Variants in ARHGAP26 observed in about 807,000 individuals in gnomAD.
ARHGAP26 encodes rho GTPase-activating protein 26.
ARHGAP26 carries 38 observed loss-of-function variants against 104.8 expected under a neutral mutation model. The ratio of observed to expected loss-of-function variants is 0.36; its 90% CI spans 0.28 to 0.48. ARHGAP26 has a LOEUF of 0.48. ARHGAP26 is among the 20% of genes least tolerant of loss of function. The pLI, the probability that ARHGAP26 is intolerant of heterozygous loss-of-function variation, is 0.99. For synonymous variants in ARHGAP26, 341 were observed against 340.0 expected, an observed-to-expected ratio of 1.00 and a Z score of -0.03; for missense variants, 704 against 947.9, an observed-to-expected ratio of 0.74 and a Z score of 3.38.
chr5:142,936,237 A>G (rs555674206), intron 11 of ARHGAP26, among the ~76,000 whole-genome samples: 1 of 152,248 alleles, frequency 6.6e-6, no homozygotes, highest in Admixed American at 6.5e-5. Context: ...TAGATTAGCC[A>G]TAATCATATG....
intron 1 of ARHGAP26, among the ~76,000 whole-genome samples, chr5:142,842,524 G>A (rs1771014550): frequency 6.6e-6 from 1 of 152,224 alleles, no homozygotes; most frequent in Non-Finnish European, 1.5e-5. Context: ...ATCTTGTGGA[G>A]TAGGATAGAA....
chr5:143,208,537 G>A (rs375325386), intron 21 of ARHGAP26, among the ~76,000 whole-genome samples: 10 of 152,020 alleles, frequency 6.6e-5, no homozygotes, highest in African/African-American at 1.5e-4. Context: ...TTCTATCCTC[G>A]TGTGAGAATG....
chr5:142,939,534 A>C (rs1297725534), intron 11 of ARHGAP26, among the ~76,000 whole-genome samples: 1 of 152,224 alleles, frequency 6.6e-6, no homozygotes, highest in Non-Finnish European at 1.5e-5. Flanking sequence ...AACTCCTGGA[A>C]TAAATGGGCA....
At chr5:143,140,349 C>T (rs1055992645) in intron 19 of ARHGAP26, among the ~76,000 whole-genome samples, 7 of 152,268 alleles carry the variant, frequency 4.6e-5, no homozygotes, top group African/African-American at 1.7e-4. Context: ...GTTTTAATGT[C>T]ATCTCTATCA....
chr5:142,932,653 T>C (rs539056722), intron 11 of ARHGAP26, among the ~76,000 whole-genome samples: 1 of 152,338 alleles, frequency 6.6e-6, no homozygotes, highest in East Asian at 1.9e-4. Context: ...TTGCAGAAAT[T>C]GTAAGAGTAC....
At chr5:143,118,702 T>C (rs1795775713) in intron 17 of ARHGAP26, among the ~76,000 whole-genome samples, 1 of 151,408 alleles carries the variant, frequency 6.6e-6, no homozygotes, top group African/African-American at 2.4e-5. Flanking sequence ...AGCCCAGGAG[T>C]GTGAGGGTGC....
chr5:143,007,458 T>A (rs1437396254), intron 11 of ARHGAP26, among the ~76,000 whole-genome samples: 2 of 152,224 alleles, frequency 1.3e-5, no homozygotes, highest in Non-Finnish European at 2.9e-5. Flanking sequence ...GGTGGAAATT[T>A]TGTTATTACA....
intron 20 of ARHGAP26, among the ~76,000 whole-genome samples, chr5:143,190,044 A>C (rs566404447): frequency 1.3e-5 from 2 of 152,202 alleles, no homozygotes; most frequent in East Asian, 3.9e-4. Flanking sequence ...GGAAAAAAAA[A>C]AAAAGACCTG....
chr5:142,923,259 A>G (rs1278664672), intron 10 of ARHGAP26, among the ~76,000 whole-genome samples: 1 of 152,156 alleles, frequency 6.6e-6, no homozygotes, highest in Non-Finnish European at 1.5e-5. Flanking sequence ...GGTTGAATAT[A>G]CCAGTTTATT....
chr5:142,784,511 C>G (rs1799294), intron 1 of ARHGAP26, among the ~76,000 whole-genome samples: 13,925 of 152,156 alleles, frequency 0.092, 1,205 homozygotes, highest in African/African-American at 0.24. Flanking sequence ...TCCTTACTGC[C>G]CCTAAACTGA....
At chr5:143,162,448 A>G (rs258789) in intron 20 of ARHGAP26, among the ~76,000 whole-genome samples, 35,096 of 152,162 alleles carry the variant, frequency 0.23, 4,693 homozygotes, top group East Asian at 0.4. Context: ...GAAATCAGAA[A>G]TCAAGAAGTG....
At chr5:142,928,958 A>C (rs1465764278) in intron 10 of ARHGAP26, among the ~76,000 whole-genome samples, 1 of 151,976 alleles carries the variant, frequency 6.6e-6, no homozygotes, top group Non-Finnish European at 1.5e-5. Context: ...TTTTATTTTG[A>C]GACGGAGTCT....
chr5:143,049,175 A>G (rs1017634507), intron 14 of ARHGAP26, among the ~76,000 whole-genome samples: 2 of 152,108 alleles, frequency 1.3e-5, no homozygotes, highest in African/African-American at 4.8e-5. Flanking sequence ...TCTTTACTGT[A>G]TGTTTTTCTG....
intron 6 of ARHGAP26, among the ~76,000 whole-genome samples, chr5:142,895,525 C>A (rs977343202): frequency 3.3e-5 from 5 of 152,146 alleles, no homozygotes; most frequent in Non-Finnish European, 5.9e-5. Context: ...CCAGCACGCC[C>A]GACCAAGAAA....
chr5:142,848,288 G>C (rs1465164313), intron 1 of ARHGAP26, among the ~76,000 whole-genome samples: 1 of 152,166 alleles, frequency 6.6e-6, no homozygotes, highest in Non-Finnish European at 1.5e-5. Flanking sequence ...TGAGCTGTTT[G>C]GTCAACATTG....
At position 143,224,119 on chromosome 5, in the gene ARHGAP26, T is replaced by G. The variant is rs1811471961; in HGVS notation, c.*1673T>G. 1 of 220,938 alleles carries G rather than the reference T, an allele frequency of 4.5e-6. No homozygotes were observed. The highest frequency in any genetic ancestry group is 9.0e-6 in the Non-Finnish European group (1 of 111,532). 13.7% of individuals were successfully genotyped at this position (220,938 alleles called of 1,614,324 possible). Reference sequence around the variant, plus strand: ...ACTGTATCTTTTACTTTTTTTTTTTTGAAAAGATAAACTTGTAAATAGAGT... The same window carrying G: ...ACTGTATCTTTTACTTTTTTTTTTTGGAAAAGATAAACTTGTAAATAGAGT... On this transcript the variant is annotated 3_prime_UTR_variant, in exon 23 of 23. Transcript: ENST00000645722.
intron 17 of ARHGAP26, among the ~76,000 whole-genome samples, chr5:143,066,811 A>G (rs1283755035): frequency 6.6e-6 from 1 of 152,188 alleles, no homozygotes; most frequent in Non-Finnish European, 1.5e-5. Flanking sequence ...AGGGCTGAGC[A>G]TCTCTCCCTT....
chr5:142,987,555 G>A (rs992627752), intron 11 of ARHGAP26, among the ~76,000 whole-genome samples: 1 of 152,074 alleles, frequency 6.6e-6, no homozygotes, highest in African/African-American at 2.4e-5. Context: ...GGTGAGAGAG[G>A]GCATCCCTGT....
At chr5:142,818,595 AC>A (rs1765552617) in intron 1 of ARHGAP26, among the ~76,000 whole-genome samples, 1 of 152,100 alleles carries the variant, frequency 6.6e-6, no homozygotes, top group Non-Finnish European at 1.5e-5. Flanking sequence ...TAGCTATATC[AC>A]CTTGGAGATC....
Sources: allele counts gnomAD v4.1 joint callset (sites outside exome capture counted in the v4.1 genomes callset), GRCh38; gene constraint gnomAD v4.1.1; transcripts MANE v1.5; gene names NCBI Gene and HGNC (gene_info 2026-07-23, HGNC 2026-07-21).